EPHA6: variants seen among roughly 807,000 people sequenced by gnomAD.
EPHA6 encodes ephrin type-A receptor 6.
A neutral mutation model predicts 112.0 loss-of-function variants in EPHA6; 50 were observed. The ratio of observed to expected loss-of-function variants is 0.45; its 90% CI spans 0.36 to 0.56. The LOEUF is 0.56. Ranked by LOEUF, EPHA6 falls within the 20% of genes least tolerant of loss-of-function variation. EPHA6 has a pLI of 0.00. For missense variants in EPHA6, 1,280 were observed against 1,417.4 expected (o/e 0.90, Z 1.56); for synonymous variants, 529 against 490.7 (o/e 1.08, Z -1.03).
At chr3:97,701,963 C>G (rs956954461) in intron 14 of EPHA6, among the ~76,000 whole-genome samples, 1 of 152,140 alleles carries the variant, frequency 6.6e-6, no homozygotes, top group African/African-American at 2.4e-5. Flanking sequence ...TCAAAGGTGG[C>G]CATTCCTGAC....
chr3:97,046,104 C>T (rs2045496999), intron 3 of EPHA6, among the ~76,000 whole-genome samples: 1 of 152,072 alleles, frequency 6.6e-6, no homozygotes, highest in Non-Finnish European at 1.5e-5. Context: ...ATAAGCTTAA[C>T]ACCTACTTTA....
intron 5 of EPHA6, among the ~76,000 whole-genome samples, chr3:97,278,472 G>A (rs931888665): frequency 1.8e-4 from 27 of 152,242 alleles, no homozygotes; most frequent in African/African-American, 7.2e-5. Flanking sequence ...AAGCCTTTGC[G>A]TTTTCATCTA....
chr3:97,033,400 G>A (rs938595527), intron 3 of EPHA6, among the ~76,000 whole-genome samples: 36 of 151,824 alleles, frequency 2.4e-4, no homozygotes, highest in Admixed American at 1.3e-4. Flanking sequence ...CTGGTCAGTC[G>A]GTCAGCACGA....
At chr3:97,000,872 G>A (rs2043629697) in intron 3 of EPHA6, among the ~76,000 whole-genome samples, 1 of 151,090 alleles carries the variant, frequency 6.6e-6, no homozygotes, top group African/African-American at 2.4e-5. Context: ...ATTTTTAGCT[G>A]TGTCTTATCT....
At chr3:97,008,606 T>C (rs1661961321) in intron 3 of EPHA6, among the ~76,000 whole-genome samples, 1 of 152,210 alleles carries the variant, frequency 6.6e-6, no homozygotes, top group African/African-American at 2.4e-5. Flanking sequence ...AAAGCCCTAC[T>C]TCTGTCAATT....
chr3:97,321,666 G>T (rs911789699), intron 5 of EPHA6, among the ~76,000 whole-genome samples: 3 of 151,338 alleles, frequency 2.0e-5, no homozygotes, highest in Non-Finnish European at 4.4e-5. Flanking sequence ...TTTTTAAAGT[G>T]ACATTTACAG....
rs1347555843 is a variant in EPHA6 at position 97,466,548 on chromosome 3, C to T, written c.1895-8804C>T. On this transcript the variant is annotated intron_variant, in intron 7 of 17. Coordinates refer to ENST00000389672, the MANE Select transcript of EPHA6 (RefSeq NM_001080448.3). ...AATCCAGGCTCTCCAATGATGTCTT[C>T]AGTGATGTCTCAGTCTCAGTTCTGT... 5 of 762,950 alleles carry T rather than the reference C, an allele frequency of 6.6e-6. No individual in the cohort carries two copies. In the African/African-American group the frequency reaches 8.7e-5, roughly 13 times the overall value. The allele number at this position is 762,950 out of a possible 1,614,324, so 47.3% of individuals were successfully genotyped here. A position where few individuals can be genotyped will look rare whatever the true frequency, so the allele number is the denominator to read the frequency against.
chr3:97,449,450 C>T (rs919747960), intron 7 of EPHA6, among the ~76,000 whole-genome samples: 1 of 151,952 alleles, frequency 6.6e-6, no homozygotes, highest in Non-Finnish European at 1.5e-5. Flanking sequence ...TCATTGTTAA[C>T]ATACTGTATT....
At chr3:97,578,821 A>AT (rs1487697683) in intron 11 of EPHA6, among the ~76,000 whole-genome samples, 1 of 152,206 alleles carries the variant, frequency 6.6e-6, no homozygotes, top group Non-Finnish European at 1.5e-5. Context: ...ATTCAACTGA[A>AT]TTTTTATAAC....
intron 3 of EPHA6, among the ~76,000 whole-genome samples, chr3:97,054,868 C>CT (rs1473412316): frequency 6.7e-6 from 1 of 150,222 alleles, no homozygotes; most frequent in African/African-American, 2.4e-5. Flanking sequence ...CTTTTTTTTT[C>CT]TTTATAAACC....
intron 3 of EPHA6, among the ~76,000 whole-genome samples, chr3:97,080,321 G>A (rs2046680334): frequency 6.6e-6 from 1 of 151,850 alleles, no homozygotes; most frequent in African/African-American, 2.4e-5. Flanking sequence ...GTTAATGGCA[G>A]GATATTGCAG....
intron 3 of EPHA6, among the ~76,000 whole-genome samples, chr3:97,221,074 G>A (rs180799039): frequency 6.6e-5 from 10 of 152,114 alleles, no homozygotes; most frequent in African/African-American, 2.4e-4. Flanking sequence ...CCAGCACTTT[G>A]GGAGGCCAAG....
At chr3:97,584,382 A>T (rs1256221556) in intron 11 of EPHA6, among the ~76,000 whole-genome samples, 2 of 152,144 alleles carry the variant, frequency 1.3e-5, no homozygotes, top group Non-Finnish European at 2.9e-5. Context: ...ATCATCCAAG[A>T]GATGTATTTT....
At chr3:97,126,143 C>T (rs1030912539) in intron 3 of EPHA6, among the ~76,000 whole-genome samples, 4 of 152,176 alleles carry the variant, frequency 2.6e-5, no homozygotes, top group Non-Finnish European at 4.4e-5. Context: ...TTGCTGGGCT[C>T]TTAAACATTT....
chr3:96,924,106 G>A (rs1477674700), intron 2 of EPHA6, among the ~76,000 whole-genome samples: 1 of 151,874 alleles, frequency 6.6e-6, no homozygotes, highest in African/African-American at 2.4e-5. Context: ...CTTTTTCCTT[G>A]GGATTGTTTG....
chr3:96,915,137 C>T (rs997150491), intron 2 of EPHA6, among the ~76,000 whole-genome samples: 1 of 151,738 alleles, frequency 6.6e-6, no homozygotes, highest in Non-Finnish European at 1.5e-5. Context: ...AAGGATATGT[C>T]ATTTTAAAGG....
At chr3:97,136,159 A>G (rs1185027659) in intron 3 of EPHA6, among the ~76,000 whole-genome samples, 1 of 152,174 alleles carries the variant, frequency 6.6e-6, no homozygotes, top group Non-Finnish European at 1.5e-5. Flanking sequence ...CACAGATGAC[A>G]TGCAATGAAA....
chr3:96,997,544 G>A (rs1257636023), intron 3 of EPHA6, among the ~76,000 whole-genome samples: 3 of 151,982 alleles, frequency 2.0e-5, no homozygotes, highest in Non-Finnish European at 4.4e-5. Context: ...AGAGAAGGGA[G>A]AATGGCCAGT....
At chr3:97,545,338 A>C (rs2092929549) in intron 11 of EPHA6, among the ~76,000 whole-genome samples, 1 of 152,164 alleles carries the variant, frequency 6.6e-6, no homozygotes, top group African/African-American at 2.4e-5. Context: ...TAGGTCATTC[A>C]GGAGCAGGTT....
Sources: allele counts gnomAD v4.1 joint callset (sites outside exome capture counted in the v4.1 genomes callset), GRCh38; gene constraint gnomAD v4.1.1; transcripts MANE v1.5; gene names NCBI Gene and HGNC (gene_info 2026-07-23, HGNC 2026-07-21).